Variants in MBOAT1 observed in about 807,000 individuals in gnomAD.
MBOAT1 encodes the protein membrane-bound glycerophospholipid O-acyltransferase 1.
MBOAT1 carries 67 observed loss-of-function variants against 64.4 expected under a neutral mutation model. The ratio of observed to expected loss-of-function variants is 1.04; its 90% CI spans 0.85 to 1.27. The LOEUF (loss-of-function observed/expected upper bound fraction) is 1.27. MBOAT1 is among the 50% of genes most tolerant of loss of function. The probability of loss-of-function intolerance (pLI) is 0.00; values close to 1 mark genes in which losing one functional copy is unlikely to be tolerated. For missense variants in MBOAT1, 563 were observed against 604.6 expected, an observed-to-expected ratio of 0.93 and a Z score of 0.72; for synonymous variants, 229 against 218.9, an observed-to-expected ratio of 1.05 and a Z score of -0.41.
At chr6:20,121,968 C>A (rs905861976) in intron 8 of MBOAT1, among the ~76,000 whole-genome samples, 4 of 151,930 alleles carry the variant, frequency 2.6e-5, no homozygotes, top group African/African-American at 9.7e-5. Context: ...AGTTCAAGAC[C>A]AGCCTGGCCA....
intron 3 of MBOAT1, among the ~76,000 whole-genome samples, chr6:20,147,562 C>A (rs1179343769): frequency 6.6e-6 from 1 of 152,010 alleles, no homozygotes; most frequent in Non-Finnish European, 1.5e-5. Context: ...TCACTTGAAT[C>A]CAGGAGGCAG....
intron 1 of MBOAT1, among the ~76,000 whole-genome samples, chr6:20,177,549 G>A (rs1762377751): frequency 6.6e-6 from 1 of 152,052 alleles, no homozygotes; most frequent in Non-Finnish European, 1.5e-5. Flanking sequence ...CGAGGTGGGT[G>A]GATCACGAGG....
chr6:20,210,658 A>G (rs1763393097), intron 1 of MBOAT1, among the ~76,000 whole-genome samples: 1 of 148,944 alleles, frequency 6.7e-6, no homozygotes, highest in East Asian at 2.0e-4. Context: ...AATTAAAACC[A>G]GAATTACCTT....
chr6:20,187,856 G>A (rs916687629), intron 1 of MBOAT1, among the ~76,000 whole-genome samples: 2 of 152,150 alleles, frequency 1.3e-5, no homozygotes, highest in South Asian at 4.1e-4. Context: ...GCTGAGTGTG[G>A]TGGCAAATGC....
intron 9 of MBOAT1, among the ~76,000 whole-genome samples, chr6:20,117,042 C>A (rs941287099): frequency 4.6e-5 from 7 of 152,172 alleles, no homozygotes; most frequent in African/African-American, 1.7e-4. Context: ...ACTGTTTTTC[C>A]AAAACTGAGA....
At chr6:20,103,937 CCACTCACT>C (rs1759878018) in intron 12 of MBOAT1, among the ~76,000 whole-genome samples, 1 of 152,172 alleles carries the variant, frequency 6.6e-6, no homozygotes, top group African/African-American at 2.4e-5. Context: ...CATTCACTCA[CCACTCACT>C]CACTGACTCA....
At chr6:20,131,425 C>T (rs1048095679) in intron 4 of MBOAT1, among the ~76,000 whole-genome samples, 3 of 152,184 alleles carry the variant, frequency 2.0e-5, no homozygotes, top group African/African-American at 7.2e-5. Flanking sequence ...AGGGGCTTCC[C>T]CCTCTCCCTT....
At chr6:20,109,468 G>C in intron 12 of MBOAT1, 130 bp downstream of exon 12, 1 of 1,141,898 alleles carries the variant, frequency 8.8e-7, no homozygotes, top group Non-Finnish European at 1.2e-6. Flanking sequence ...AGCTTCTATG[G>C]ACACTTCCCA....
intron 1 of MBOAT1, among the ~76,000 whole-genome samples, chr6:20,178,518 CA>C (rs1391111994): frequency 3.3e-5 from 5 of 152,188 alleles, no homozygotes; most frequent in African/African-American, 1.2e-4. Flanking sequence ...CTTTAGAGCA[CA>C]GGATAAGGTT....
chr6:20,128,644 T>C, intron 6 of MBOAT1, 55 bp downstream of exon 6: 1 of 1,305,582 alleles, frequency 7.7e-7, no homozygotes, highest in Non-Finnish European at 1.1e-6. Context: ...ATGAGGAAAA[T>C]CTCTAGATAC....
At chr6:20,116,931 A>AG (rs1760338355) in intron 9 of MBOAT1, among the ~76,000 whole-genome samples, 1 of 152,202 alleles carries the variant, frequency 6.6e-6, no homozygotes, top group Non-Finnish European at 1.5e-5. Context: ...TGAGTTTGGA[A>AG]GGAGAGAAGA....
intron 1 of MBOAT1, among the ~76,000 whole-genome samples, chr6:20,168,640 A>AGAGAAGAGAG (rs1254759093): frequency 5.6e-5 from 3 of 53,680 alleles, no homozygotes; most frequent in South Asian, 1.3e-3. Context: ...AGAGAAGAGA[A>AGAGAAGAGAG]GAGAGGAGAG....
chr6:20,128,601 C>T, intron 6 of MBOAT1, 98 bp downstream of exon 6: 2 of 806,788 alleles, frequency 2.5e-6, no homozygotes, highest in East Asian at 2.8e-5. Flanking sequence ...ATATTATATC[C>T]ATAGAACAGA....
intron 4 of MBOAT1, among the ~76,000 whole-genome samples, chr6:20,141,154 A>C (rs941910654): frequency 6.6e-6 from 1 of 152,134 alleles, no homozygotes; most frequent in Non-Finnish European, 1.5e-5. Flanking sequence ...CAGGTTGACA[A>C]AGATAGGAAA....
At chr6:20,200,603 G>C (rs911942932) in intron 1 of MBOAT1, among the ~76,000 whole-genome samples, 3 of 152,122 alleles carry the variant, frequency 2.0e-5, no homozygotes, top group African/African-American at 4.8e-5. Flanking sequence ...CATTTAAGGG[G>C]ACACTAGAAA....
At position 20,201,583 on chromosome 6, in the gene MBOAT1, A is replaced by ATT. The variant is rs56306528; in HGVS notation, c.99+10551_99+10552dup. Among the ~76,000 whole-genome samples, 1,154 of 143,210 alleles carry ATT rather than the reference A, an allele frequency of 8.1e-3. 16 individuals carry two copies. Among genetic ancestry groups the ATT allele is most frequent in the African/African-American group, 0.025 (967 of 38,826 alleles). 94.0% of individuals were successfully genotyped at this position (143,210 alleles called of 152,430 possible). A position where few individuals can be genotyped will look rare whatever the true frequency, so the allele number is the denominator to read the frequency against. ...CCTGTACTATCTAATCAGATAAGTG[A>ATT]TTTTTTTTTTTTTTTGAGATGGAGT... On this transcript the variant is annotated intron_variant, in intron 1 of 12. Coordinates refer to ENST00000324607, the MANE Select transcript of MBOAT1 (RefSeq NM_001080480.3).
chr6:20,144,428 A>G (rs1213424033), intron 3 of MBOAT1, 113 bp from the exon 4 acceptor site: 3 of 726,422 alleles, frequency 4.1e-6, no homozygotes, highest in South Asian at 1.7e-5. Context: ...ACAATGTCCT[A>G]TCTGGTCTGA....
At chr6:20,102,517 GGCAGT>G in intron 12 of MBOAT1, 105 bp from the exon 13 acceptor site, 1 of 880,208 alleles carries the variant, frequency 1.1e-6, no homozygotes, top group South Asian at 1.8e-5. Flanking sequence ...CACCGCTTTT[GGCAGT>G]AGGAGGCCTG....
intron 4 of MBOAT1, among the ~76,000 whole-genome samples, chr6:20,135,326 G>A (rs16883406): frequency 0.076 from 11,545 of 152,054 alleles, 495 homozygotes; most frequent in Admixed American, 0.14. Flanking sequence ...GAGAAAACAG[G>A]TAGCTGAAGA....
Sources: gnomAD v4.1 joint callset for allele counts (sites outside exome capture counted in the v4.1 genomes callset) on GRCh38, gnomAD v4.1.1 for gene constraint, MANE v1.5 for transcripts, NCBI Gene and HGNC (gene_info 2026-07-23, HGNC 2026-07-21) for gene names.